DGCR8: variants seen among roughly 807,000 people sequenced by gnomAD.
DGCR8 encodes the protein DGCR8 microprocessor complex subunit.
A neutral mutation model predicts 78.5 loss-of-function variants in DGCR8; 14 were observed. The observed-to-expected ratio is 0.18, with a 90% CI of 0.12 to 0.28. DGCR8 has a LOEUF of 0.28. DGCR8 is among the 10% of genes least tolerant of loss of function. The pLI is 1.00. For missense variants in DGCR8, 702 were observed against 1,022.5 expected, an observed-to-expected ratio of 0.69 and a Z score of 4.28; for synonymous variants, 399 against 402.4, an observed-to-expected ratio of 0.99 and a Z score of 0.10.
In DGCR8 at chr22:20,086,951, C is replaced by T. The variant is rs2049492443; in HGVS notation, c.721-211C>T. 9.2e-6 allele frequency: 7 copies of T among 761,618 alleles called. No individual in the cohort carries two copies. In the East Asian group the frequency reaches 1.9e-4, roughly 21 times the overall value. The allele number at this position is 761,618 out of a possible 1,614,324, so 47.2% of individuals were successfully genotyped here. On this transcript the variant is annotated intron_variant, in intron 2 of 13. Transcript: ENST00000351989. The surrounding 1 kb of genome is among the most constrained non-coding windows in gnomAD (Gnocchi z 6.4). ...CAGCAGGTGCTGCTGAGTTACGCTC[C>T]TTGGCAGTGTGTGCCCCTGGACCAG...
Position 20,089,988 on chromosome 22 carries a change from C to G in DGCR8, c.1036C>G (p.Pro346Ala), listed in dbSNP as rs1249648209. The change falls in exon 5 of 14, where the codon CCT (proline) becomes GCT (alanine). Residue 346 changes from proline to alanine, a missense_variant. Pro to Ala is a conservative substitution (Grantham distance 27, BLOSUM62 -1). Coordinates refer to ENST00000351989, the MANE Select transcript of DGCR8 (RefSeq NM_022720.7). The surrounding 1 kb of genome is among the most constrained non-coding windows in gnomAD (Gnocchi z 4.9). ...TCACTATCCACAGAAACACGACCCT[C>G]CTCTGAGTAGCATCCCTTGTCTGCA... ...GTGSIRKHDP[P>A]LSSIPCLHYK... 19 of 1,611,522 alleles carry G rather than the reference C, an allele frequency of 1.2e-5. No individual in the cohort carries two copies. In the South Asian group the frequency reaches 2.0e-4, roughly 17 times the overall value.
rs150234024 is a variant in DGCR8, at chr22:20,086,258, G to A, written c.295G>A (p.Ala99Thr). Residue 99 changes from alanine (A) to threonine (T), a missense_variant, in exon 2 of 14, where the codon GCC becomes ACC. By Grantham distance (58) the Ala-to-Thr change is moderately conservative (BLOSUM62 0). Coordinates refer to ENST00000351989, the MANE Select transcript of DGCR8 (RefSeq NM_022720.7). This position sits in a 1 kb window ranked among gnomAD's most constrained non-coding sequence, Gnocchi z 6.4. The part of the protein sequence containing the change: ...PNCSGHSPRT[A>T]RHAPAVRKFS... ...CTGTAGTGGCCACAGCCCGCGCACC[G>A]CCCGGCACGCACCTGCGGTCCGGAA... is the stretch of plus-strand genomic sequence containing the variant. The A allele has an allele frequency of 1.5e-5, 25 of 1,614,054 alleles. No individual in the cohort carries two copies. Among genetic ancestry groups the A allele is most frequent in the Non-Finnish European group, 2.0e-5 (24 of 1,180,050 alleles).
intron 3 of DGCR8, among the ~76,000 whole-genome samples, chr22:20,088,827 G>A (rs551009599): frequency 6.6e-6 from 1 of 152,118 alleles, no homozygotes; most frequent in South Asian, 2.1e-4. Flanking sequence ...TTGAGGCGGG[G>A]TCTTGCTGTT....
At chr22:20,097,294 C>T (rs1302094496) in intron 9 of DGCR8, among the ~76,000 whole-genome samples, 1 of 152,204 alleles carries the variant, frequency 6.6e-6, no homozygotes, top group African/African-American at 2.4e-5. Flanking sequence ...TCAGTGAAAC[C>T]TTCTGGTCCC....
At position 20,101,915 on chromosome 22, in the gene DGCR8, G is replaced by T. The variant is rs916212987; in HGVS notation, c.1789-4262G>T. The T allele has an allele frequency of 1.4e-5, 14 of 985,392 alleles. No homozygotes were observed. In the Admixed American group the frequency reaches 8.6e-4, roughly 61 times the overall value. 61.0% of individuals were successfully genotyped at this position (985,392 alleles called of 1,614,324 possible). A position where few individuals can be genotyped will look rare whatever the true frequency, so the allele number is the denominator to read the frequency against. On this transcript the variant is annotated intron_variant, in intron 9 of 13. Coordinates refer to ENST00000351989, the MANE Select transcript of DGCR8 (RefSeq NM_022720.7). Reference sequence around the variant, plus strand: ...GGAGGGGCGGGTTGATGCCTGTGAGGTGTGGTGGCCACGCGTGTATGCTAC... The same window carrying T: ...GGAGGGGCGGGTTGATGCCTGTGAGTTGTGGTGGCCACGCGTGTATGCTAC...
rs891521133 is a variant in DGCR8, at chr22:20,110,798, T to G, written c.*690T>G. Reference sequence around the variant, plus strand: ...GTCCTGCCACCTCCTGGAGTTACCCTGGCCTCCTAGGGTCCCTTTTTCTGA... The same window carrying G: ...GTCCTGCCACCTCCTGGAGTTACCCGGGCCTCCTAGGGTCCCTTTTTCTGA... On this transcript the variant is annotated 3_prime_UTR_variant, in exon 14 of 14. Transcript: ENST00000351989. The G allele has an allele frequency of 5.7e-6, 1 of 174,406 alleles. No homozygotes were observed. Among genetic ancestry groups the G allele is most frequent in the Non-Finnish European group, 1.2e-5 (1 of 83,068 alleles). 10.8% of individuals were successfully genotyped at this position (174,406 alleles called of 1,614,324 possible). A position where few individuals can be genotyped will look rare whatever the true frequency, so the allele number is the denominator to read the frequency against.
Position 20,086,738 on chromosome 22 carries a change from T to C in DGCR8, c.720+55T>C. ...TCTTAGCAAAACCCAAAGAGAGATT[T>C]GGGAATTGCAGCATCTTTTGAAAGC... On this transcript the variant is annotated intron_variant, in intron 2 of 13. Transcript: ENST00000351989. The surrounding 1 kb of genome is among the most constrained non-coding windows in gnomAD (Gnocchi z 6.4). 1 of 1,494,988 alleles carries C rather than the reference T, an allele frequency of 6.7e-7. No individual in the cohort carries two copies. The highest frequency in any genetic ancestry group is 8.9e-7 in the Non-Finnish European group (1 of 1,126,214). The allele number at this position is 1,494,988 out of a possible 1,614,324, so 92.6% of individuals were successfully genotyped here.
chr22:20,093,081 A>T (rs554805042), intron 8 of DGCR8, among the ~76,000 whole-genome samples, 174 bp downstream of exon 8: 1 of 152,104 alleles, frequency 6.6e-6, no homozygotes, highest in African/African-American at 2.4e-5. Flanking sequence ...ATTGGAAAAG[A>T]CTCAAATAGA....
rs1383982381 is a variant in DGCR8 at position 20,087,329 on chromosome 22, T to C, written c.880+8T>C. 1 of 1,597,206 alleles carries C rather than the reference T, an allele frequency of 6.3e-7. No individual in the cohort carries two copies. Among genetic ancestry groups the C allele is most frequent in the East Asian group, 2.3e-5 (1 of 44,220 alleles). On this transcript the variant is annotated splice_region_variant and intron_variant, in intron 3 of 13. Transcript: ENST00000351989. The surrounding 1 kb of genome is among the most constrained non-coding windows in gnomAD (Gnocchi z 4.1). The stretch of plus-strand genomic sequence containing the variant: ...TTAAAACAGTGCTCAAAAGTACGTG[T>C]GTGGGTCAGAAGCAGTGGGTGTTCC...
At chr22:20,106,361 C>T in intron 10 of DGCR8, 84 bp downstream of exon 10, 2 of 1,252,984 alleles carry the variant, frequency 1.6e-6, no homozygotes, top group Admixed American at 1.8e-5. Context: ...CTGTTTGTCC[C>T]AAGGCAGAGG....
At chr22:20,094,243 TG>T (rs1332854516) in intron 8 of DGCR8, among the ~76,000 whole-genome samples, 2 of 152,202 alleles carry the variant, frequency 1.3e-5, no homozygotes, top group Non-Finnish European at 2.9e-5. Flanking sequence ...CCGACCCCAG[TG>T]GGCATATCCG....
Position 20,080,279 on chromosome 22 carries a change from G to A in DGCR8, c.-382G>A. 1 of 980,964 alleles carries A rather than the reference G, an allele frequency of 1.0e-6. No individual in the cohort carries two copies. Among genetic ancestry groups the A allele is most frequent in the Non-Finnish European group, 1.2e-6 (1 of 828,052 alleles). 60.8% of individuals were successfully genotyped at this position (980,964 alleles called of 1,614,324 possible). A position where few individuals can be genotyped will look rare whatever the true frequency, so the allele number is the denominator to read the frequency against. On this transcript the variant is annotated 5_prime_UTR_variant, in exon 1 of 14. Transcript: ENST00000351989. ...GCGCGGCAGGCGGGTGCCGGCGACC[G>A]GAGAGCCTGGACAGGCTTTCCAGAT...
rs1396915190 is a variant in DGCR8 at position 20,085,084 on chromosome 22, C to G, written c.-277-603C>G. 5.6e-5 allele frequency: 54 copies of G among 963,476 alleles called. No homozygotes were observed. The highest frequency in any genetic ancestry group is 9.6e-5 in the South Asian group (2 of 20,808). 59.7% of individuals were successfully genotyped at this position (963,476 alleles called of 1,614,324 possible). A position where few individuals can be genotyped will look rare whatever the true frequency, so the allele number is the denominator to read the frequency against. ...CCCCTCTCCTCCATCGGGAACAGAA[C>G]TATGCTGCCACCTCTGGTGACCTCA... On this transcript the variant is annotated intron_variant, in intron 1 of 13. Transcript: ENST00000351989. This position sits in a 1 kb window ranked among gnomAD's most constrained non-coding sequence, Gnocchi z 6.2.
At chr22:20,092,727 T>C in intron 7 of DGCR8, 82 bp from the exon 8 acceptor site, 2 of 1,233,448 alleles carry the variant, frequency 1.6e-6, no homozygotes, top group Non-Finnish European at 2.3e-6. Context: ...GACTGCGCCT[T>C]GTCTGTCGGT....
intron 1 of DGCR8, among the ~76,000 whole-genome samples, chr22:20,081,142 G>A (rs903478032): frequency 1.3e-5 from 2 of 152,214 alleles, no homozygotes; most frequent in Non-Finnish European, 2.9e-5. Flanking sequence ...TTGCCTCTAA[G>A]TGCGGGATAT....
In DGCR8 at chr22:20,111,511, T is replaced by TA. The variant is rs2049844677; in HGVS notation, c.*1403_*1404insA. The TA allele has an allele frequency of 2.5e-6, 1 of 398,168 alleles. No homozygotes were observed. The highest frequency in any genetic ancestry group is 4.4e-6 in the Non-Finnish European group (1 of 226,066). 24.7% of individuals were successfully genotyped at this position (398,168 alleles called of 1,614,324 possible). ...ACTCAAATTGCTATAATTAGACACT[T>TA]GCTTCTGTCTTGCCTCCTGTCTGCA... On this transcript the variant is annotated 3_prime_UTR_variant, in exon 14 of 14. Transcript: ENST00000351989.
At chr22:20,106,898 G>A (rs1349202706) in intron 11 of DGCR8, 200 bp downstream of exon 11, 20 of 592,690 alleles carry the variant, frequency 3.4e-5, no homozygotes, top group Middle Eastern at 4.5e-4. Context: ...CCTTTCCCCC[G>A]CTGTCACCCC....
chr22:20,105,916 TG>T (rs2049764185), intron 9 of DGCR8, among the ~76,000 whole-genome samples: 1 of 151,814 alleles, frequency 6.6e-6, no homozygotes, highest in Admixed American at 6.6e-5. Flanking sequence ...GCCATGTACC[TG>T]GGGCCCTCTT....
At chr22:20,082,246 G>C (rs372134591) in intron 1 of DGCR8, among the ~76,000 whole-genome samples, 3 of 151,146 alleles carry the variant, frequency 2.0e-5, no homozygotes, top group African/African-American at 7.3e-5. Context: ...TTTTAGTAGA[G>C]ACGGGGTTTC....
Sources: allele counts gnomAD v4.1 joint callset (sites outside exome capture counted in the v4.1 genomes callset), GRCh38; gene constraint gnomAD v4.1.1; non-coding constraint Gnocchi (gnomAD v3.1); transcripts MANE v1.5; gene names NCBI Gene and HGNC (gene_info 2026-07-23, HGNC 2026-07-21).